The following CDH13 variants were observed in gnomAD, a reference collection of about 807,000 sequenced individuals.
The protein encoded by CDH13 is cadherin 13.
In CDH13, 24 loss-of-function variants were observed where a neutral mutation model predicts 63.8. The observed-to-expected ratio is 0.38, with a 90% CI of 0.27 to 0.53. CDH13 has a LOEUF of 0.53. Ranked by LOEUF, CDH13 falls within the 20% of genes least tolerant of loss-of-function variation. The pLI is 0.85. For missense variants in CDH13, 1,049 were observed against 903.1 expected (o/e 1.16, Z -2.07); for synonymous variants, 503 against 355.3 (o/e 1.42, Z -4.67).
intron 1 of CDH13, among the ~76,000 whole-genome samples, chr16:82,628,050 G>A (rs904880241): frequency 1.3e-5 from 2 of 152,238 alleles, no homozygotes; most frequent in African/African-American, 4.8e-5. Flanking sequence ...AGTCACCTCT[G>A]CACCTCAGAG....
intron 8 of CDH13, among the ~76,000 whole-genome samples, chr16:83,643,437 C>T (rs189144762): frequency 3.3e-5 from 5 of 152,204 alleles, no homozygotes; most frequent in East Asian, 3.9e-4. Context: ...ATCTGTCTCA[C>T]GATTTGTATC....
chr16:83,450,984 AC>A (rs1340879550), intron 6 of CDH13, among the ~76,000 whole-genome samples: 1 of 152,062 alleles, frequency 6.6e-6, no homozygotes, highest in African/African-American at 2.4e-5. Context: ...GCTGAGCCGC[AC>A]CCCCAGAGTT....
At chr16:83,073,983 T>C (rs890225220) in intron 3 of CDH13, among the ~76,000 whole-genome samples, 2 of 152,210 alleles carry the variant, frequency 1.3e-5, no homozygotes, top group Non-Finnish European at 2.9e-5. Flanking sequence ...ATCATTTCTA[T>C]GTGTTGAGAA....
At chr16:83,122,068 T>G (rs926815824) in intron 3 of CDH13, among the ~76,000 whole-genome samples, 1 of 152,168 alleles carries the variant, frequency 6.6e-6, no homozygotes. Context: ...GAAGCTGTTG[T>G]TAGGATTGAG....
chr16:83,635,750 T>C (rs1245614461), intron 8 of CDH13, among the ~76,000 whole-genome samples: 1 of 152,202 alleles, frequency 6.6e-6, no homozygotes, highest in Non-Finnish European at 1.5e-5. Flanking sequence ...TCTCAATCTG[T>C]GGCTTGTCTG....
At chr16:82,712,256 A>T (rs766048662) in intron 1 of CDH13, among the ~76,000 whole-genome samples, 11 of 152,162 alleles carry the variant, frequency 7.2e-5, no homozygotes, top group Non-Finnish European at 1.2e-4. Flanking sequence ...TTTACTAATT[A>T]GTTAAAGGCT....
At chr16:83,015,287 A>G (rs1914646029) in intron 2 of CDH13, among the ~76,000 whole-genome samples, 1 of 152,014 alleles carries the variant, frequency 6.6e-6, no homozygotes, top group South Asian at 2.1e-4. Flanking sequence ...ATGTATACCT[A>G]TTTAAAGACT....
At chr16:82,710,464 C>T (rs1420701025) in intron 1 of CDH13, among the ~76,000 whole-genome samples, 25 of 131,628 alleles carry the variant, frequency 1.9e-4, no homozygotes, top group Non-Finnish European at 3.7e-4. Context: ...CCCAGGAGGG[C>T]GGAGCTTGCA....
At position 83,442,256 on chromosome 16, in the gene CDH13, T is replaced by G. The variant is rs1406718483; in HGVS notation, c.782-44221T>G. Among the ~76,000 whole-genome samples the G allele has an allele frequency of 2.6e-5, 4 of 152,198 alleles. No homozygotes were observed. In the East Asian group the frequency reaches 7.7e-4, roughly 29 times the overall value. ...TCCGTAAAATGAGACAAGAAGGTAT[T>G]TGAGGTAGATGAACTTCAGGATCCC... On this transcript the variant is annotated intron_variant, in intron 6 of 13. Coordinates refer to ENST00000567109, the MANE Select transcript of CDH13 (RefSeq NM_001257.5).
intron 6 of CDH13, among the ~76,000 whole-genome samples, chr16:83,481,709 C>T (rs2073769759): frequency 6.6e-6 from 1 of 152,138 alleles, no homozygotes; most frequent in Non-Finnish European, 1.5e-5. Context: ...GGAGCTGCTG[C>T]TAGTTCATCT....
chr16:83,546,947 A>G (rs1293617408), intron 7 of CDH13, among the ~76,000 whole-genome samples: 1 of 152,186 alleles, frequency 6.6e-6, no homozygotes, highest in Non-Finnish European at 1.5e-5. Context: ...AAGGCACAAC[A>G]AAAACACGGA....
chr16:82,979,527 G>C (rs1040508884), intron 2 of CDH13, among the ~76,000 whole-genome samples: 5 of 152,098 alleles, frequency 3.3e-5, no homozygotes, highest in African/African-American at 1.2e-4. Flanking sequence ...GGGATCTGAT[G>C]GTTTTATAAA....
intron 2 of CDH13, among the ~76,000 whole-genome samples, chr16:82,864,213 A>G (rs890445273): frequency 6.6e-6 from 1 of 152,104 alleles, no homozygotes; most frequent in Non-Finnish European, 1.5e-5. Context: ...GTTGTTTCTG[A>G]AGAGGCAGGG....
chr16:82,728,383 A>G (rs994052889), intron 1 of CDH13, among the ~76,000 whole-genome samples: 1 of 152,100 alleles, frequency 6.6e-6, no homozygotes, highest in African/African-American at 2.4e-5. Flanking sequence ...CCTCAGAGAT[A>G]TTGCAGGTTT....
intron 4 of CDH13, among the ~76,000 whole-genome samples, chr16:83,155,335 T>C (rs1029854223): frequency 5.9e-5 from 9 of 152,160 alleles, no homozygotes; most frequent in African/African-American, 2.2e-4. Flanking sequence ...GAAAGTCCCT[T>C]AAATGGCCCT....
chr16:83,263,534 C>G (rs113765631), intron 5 of CDH13, among the ~76,000 whole-genome samples: 1 of 152,092 alleles, frequency 6.6e-6, no homozygotes, highest in Non-Finnish European at 1.5e-5. Flanking sequence ...GGTCTTGACT[C>G]CTCCCTAGCC....
At chr16:83,195,208 T>C (rs1444173949) in intron 4 of CDH13, among the ~76,000 whole-genome samples, 1 of 152,202 alleles carries the variant, frequency 6.6e-6, no homozygotes, top group Admixed American at 6.5e-5. Context: ...TAAATGATGG[T>C]ATATCTGTCT....
rs1913639360 is a variant in CDH13, at chr16:83,007,379, A to T, written c.158-24631A>T. ...CATGAAACCCATTTCACACGTGAGG[A>T]AACTATGGTTCAAAATGGCAGTTAG... On this transcript the variant is annotated intron_variant, in intron 2 of 13. Transcript: ENST00000567109. 2.6e-5 allele frequency among the ~76,000 whole-genome samples: 4 copies of T among 152,210 alleles called. No homozygotes were observed. The South Asian group carries it at 8.3e-4, about 32-fold the overall frequency.
intron 3 of CDH13, among the ~76,000 whole-genome samples, chr16:83,118,179 A>C (rs2035399372): frequency 6.6e-6 from 1 of 152,132 alleles, no homozygotes; most frequent in South Asian, 2.1e-4. Context: ...CACAAGTCAC[A>C]CATGGTCTGG....
Sources: allele counts gnomAD v4.1 joint callset (sites outside exome capture counted in the v4.1 genomes callset), GRCh38; gene constraint gnomAD v4.1.1; transcripts MANE v1.5; gene names NCBI Gene and HGNC (gene_info 2026-07-23, HGNC 2026-07-21).